ATRIP: variants seen among roughly 807,000 people sequenced by gnomAD.
The protein encoded by ATRIP is ATR interacting protein.
In ATRIP, 44 loss-of-function variants were observed where a neutral mutation model predicts 78.1. The observed-to-expected ratio is 0.56, with a 90% CI of 0.44 to 0.72. The LOEUF is 0.72. Among genes scored for constraint, ATRIP ranks in the 30% least tolerant of loss-of-function variants. ATRIP has a pLI of 0.00. For missense variants in ATRIP, 927 were observed against 980.2 expected (o/e 0.95, Z 0.72); for synonymous variants, 388 against 408.9 (o/e 0.95, Z 0.62).
chr3:48,465,026 G>C lies in ATRIP; in HGVS notation c.2251G>C (p.Val751Leu). The change falls in exon 12 of 13, where the codon GTG becomes CTG. Residue 751 changes from valine to leucine, a missense_variant. Coordinates refer to ENST00000320211, the MANE Select transcript of ATRIP (RefSeq NM_130384.3). ...CVEVLHQFDQ[V>L]MPGVSMLIRG... ...GGAGGTCCTGCATCAGTTTGACCAG[G>C]TGATGCCGGGGGTCAGCATGCTCAT... 6.2e-7 allele frequency: 1 copy of C among 1,613,848 alleles called. No homozygotes were observed. Among genetic ancestry groups the C allele is most frequent in the Non-Finnish European group, 8.5e-7 (1 of 1,179,934 alleles).
chr3:48,467,205 A>C lies in ATRIP; in HGVS notation c.*1651A>C. On this transcript the variant is annotated 3_prime_UTR_variant, in exon 13 of 13. Transcript: ENST00000320211. ...GAGCTATAGCCTAGGCAGCATCTAC[A>C]CTCGCCTGTATGGGCAGTCCCCTCC... is the stretch of plus-strand genomic sequence containing the variant. 1 of 1,613,796 alleles carries C rather than the reference A, an allele frequency of 6.2e-7. No individual in the cohort carries two copies. The highest frequency in any genetic ancestry group is 8.5e-7 in the Non-Finnish European group (1 of 1,179,928).
intron 3 of ATRIP, among the ~76,000 whole-genome samples, chr3:48,453,394 A>T (rs1022898053): frequency 2.0e-5 from 3 of 152,220 alleles, no homozygotes; most frequent in Non-Finnish European, 4.4e-5. Flanking sequence ...ATAAGTGATG[A>T]AGAGCAAGGA....
chr3:48,448,161 C>CTTTTT (rs34075060), intron 1 of ATRIP, among the ~76,000 whole-genome samples: 8 of 116,740 alleles, frequency 6.9e-5, no homozygotes, highest in South Asian at 5.5e-4. Flanking sequence ...CGTGAACACC[C>CTTTTT]TTTTTTTTTT....
rs2040288671 is a variant in ATRIP at position 48,466,260 on chromosome 3, C to T, written c.*706C>T. 1.3e-5 allele frequency: 8 copies of T among 617,116 alleles called. No individual in the cohort carries two copies. Among genetic ancestry groups the T allele is most frequent in the East Asian group, 5.6e-5 (2 of 35,942 alleles). 38.2% of individuals were successfully genotyped at this position (617,116 alleles called of 1,614,324 possible). A position where few individuals can be genotyped will look rare whatever the true frequency, so the allele number is the denominator to read the frequency against. On this transcript the variant is annotated 3_prime_UTR_variant, in exon 13 of 13. Coordinates refer to ENST00000320211, the MANE Select transcript of ATRIP (RefSeq NM_130384.3). ...CCGCCACTGCTGCCAGCGAGAGCCG[C>T]GGGAGAGTGTGCAGCCGAGTCACTA...
At chr3:48,462,331 CAGGG>C in intron 8 of ATRIP, among the ~76,000 whole-genome samples, 2 of 152,054 alleles carry the variant, frequency 1.3e-5, no homozygotes, top group South Asian at 4.2e-4. Flanking sequence ...AGCTTGTCCA[CAGGG>C]ACATTCAAAA....
Position 48,451,905 on chromosome 3 carries a change from C to T in ATRIP, c.552+6C>T. On this transcript the variant is annotated splice_donor_region_variant and intron_variant, in intron 3 of 12. Coordinates refer to ENST00000320211, the MANE Select transcript of ATRIP (RefSeq NM_130384.3). ...AAAAGGAATTCTCCAAAAAGGTGAC[C>T]CAGAGCATTTGTTTTGCACCAGCTT... 6.3e-7 allele frequency: 1 copy of T among 1,591,676 alleles called. No individual in the cohort carries two copies. Among genetic ancestry groups the T allele is most frequent in the Admixed American group, 1.7e-5 (1 of 57,292 alleles).
chr3:48,464,798 A>T lies in ATRIP; in HGVS notation c.2056-33A>T, dbSNP rs769688944. 3.1e-6 allele frequency: 5 copies of T among 1,602,098 alleles called. No homozygotes were observed. In the South Asian group the frequency reaches 5.5e-5, roughly 18 times the overall value. On this transcript the variant is annotated intron_variant, in intron 11 of 12. Coordinates refer to ENST00000320211, the MANE Select transcript of ATRIP (RefSeq NM_130384.3). ...TTGTTAGGGTGCAGGCCATGGTGGCACCAGGCCTCAGTCTGCACCCCCCCT... is the reference window on the plus strand; with the variant it reads ...TTGTTAGGGTGCAGGCCATGGTGGCTCCAGGCCTCAGTCTGCACCCCCCCT...
chr3:48,463,233 A>G (rs961692826), intron 8 of ATRIP, among the ~76,000 whole-genome samples: 1 of 151,984 alleles, frequency 6.6e-6, no homozygotes, highest in Non-Finnish European at 1.5e-5. Context: ...CCTCCTGCAC[A>G]CCCCACAGTA....
intron 1 of ATRIP, 21 bp from the exon 2 acceptor site, chr3:48,450,016 A>G (rs367760362): frequency 9.2e-5 from 147 of 1,598,874 alleles, no homozygotes; most frequent in Non-Finnish European, 1.1e-4. Flanking sequence ...CCTGAAATGT[A>G]TATGGAACTA....
chr3:48,457,509 C>A lies in ATRIP; in HGVS notation c.829+93C>A, dbSNP rs1168127320. The stretch of plus-strand genomic sequence containing the variant: ...TTTATTTTCTCCCAATTTCTGTGAT[C>A]AGCAATTCTGACAAGGCACAGAGGG... On this transcript the variant is annotated intron_variant, in intron 5 of 12. Coordinates refer to ENST00000320211, the MANE Select transcript of ATRIP (RefSeq NM_130384.3). 3.7e-6 allele frequency: 4 copies of A among 1,072,592 alleles called. No individual in the cohort carries two copies. In the African/African-American group the frequency reaches 5.0e-5, roughly 13 times the overall value. 66.4% of individuals were successfully genotyped at this position (1,072,592 alleles called of 1,614,324 possible). A position where few individuals can be genotyped will look rare whatever the true frequency, so the allele number is the denominator to read the frequency against.
At position 48,460,599 on chromosome 3, in the gene ATRIP, C is replaced by T. The variant is rs768104573; in HGVS notation, c.1545C>T (p.His515=). ...AAGEGNRSLV[H]RLSDGDMTSA... ...GGGAAGGAAACAGGAGCCTGGTTCA[C>T]AGGCTTAGTGATGGAGATATGACCT... Residue 515 remains histidine, a synonymous_variant, in exon 8 of 13, where the codon CAC becomes CAT. Coordinates refer to ENST00000320211, the MANE Select transcript of ATRIP (RefSeq NM_130384.3). 6 of 1,614,068 alleles carry T rather than the reference C, an allele frequency of 3.7e-6. No individual in the cohort carries two copies. In the African/African-American group the frequency reaches 4.0e-5, roughly 11 times the overall value.
Position 48,457,278 on chromosome 3 carries a change from G to A in ATRIP, c.691G>A (p.Val231Met). The A allele has an allele frequency of 6.3e-7, 1 of 1,585,746 alleles. No homozygotes were observed. Among genetic ancestry groups the A allele is most frequent in the Non-Finnish European group, 8.6e-7 (1 of 1,168,074 alleles). ...TTCCAGTCCTAGGAAAAACCCTTCTGTGGTTATAAAGCCAGAAGCATGTTC... is the reference window on the plus strand; with the variant it reads ...TTCCAGTCCTAGGAAAAACCCTTCTATGGTTATAAAGCCAGAAGCATGTTC... ...SHVSPRKNPS[V>M]VIKPEACSPQ... The change falls in exon 5 of 13, where the codon GTG becomes ATG. Residue 231 changes from valine (V) to methionine (M), a missense_variant. Coordinates refer to ENST00000320211, the MANE Select transcript of ATRIP (RefSeq NM_130384.3).
intron 3 of ATRIP, among the ~76,000 whole-genome samples, chr3:48,454,064 G>A (rs1396858123): frequency 6.6e-6 from 1 of 152,086 alleles, no homozygotes; most frequent in African/African-American, 2.4e-5. Flanking sequence ...CCCGGCCAGG[G>A]CTGGTATTTA....
At chr3:48,450,361 A>G in intron 2 of ATRIP, 191 bp downstream of exon 2, 1 of 1,018,122 alleles carries the variant, frequency 9.8e-7, no homozygotes, top group Non-Finnish European at 1.4e-6. Context: ...CCTAATGCCA[A>G]AGGCAAGAAG....
intron 7 of ATRIP, 32 bp from the exon 8 acceptor site, chr3:48,460,078 C>G (rs745920772): frequency 6.3e-7 from 1 of 1,585,240 alleles, no homozygotes; most frequent in South Asian, 1.2e-5. Flanking sequence ...CCATCCCACA[C>G]TTAATCTATT....
chr3:48,455,270 C>T (rs909303773), intron 4 of ATRIP, among the ~76,000 whole-genome samples: 1 of 152,182 alleles, frequency 6.6e-6, no homozygotes, highest in Non-Finnish European at 1.5e-5. Flanking sequence ...CCATGCCTTG[C>T]ATTGTCCACA....
intron 3 of ATRIP, among the ~76,000 whole-genome samples, chr3:48,452,838 A>G (rs2039866715): frequency 6.6e-6 from 1 of 151,734 alleles, no homozygotes; most frequent in Admixed American, 6.6e-5. Context: ...CTCCCATTCT[A>G]ATAAAATAGT....
rs2039709049 is a variant in ATRIP, at chr3:48,447,470, T to C, written c.247+378T>C. 1.3e-5 allele frequency: 13 copies of C among 998,818 alleles called. No homozygotes were observed. In the South Asian group the frequency reaches 5.5e-4, roughly 43 times the overall value. 61.9% of individuals were successfully genotyped at this position (998,818 alleles called of 1,614,324 possible). ...CAAGTTTGAGCGGCTTTAGATCTTATGAAGCCCACTGTCTCCCTTGGGCAG... is the reference window on the plus strand; with the variant it reads ...CAAGTTTGAGCGGCTTTAGATCTTACGAAGCCCACTGTCTCCCTTGGGCAG... On this transcript the variant is annotated intron_variant, in intron 1 of 12. Transcript: ENST00000320211.
intron 10 of ATRIP, 43 bp downstream of exon 10, chr3:48,464,175 T>C (rs1001904036): frequency 6.8e-7 from 1 of 1,477,616 alleles, no homozygotes; most frequent in South Asian, 1.1e-5. Flanking sequence ...CCCCACCCCA[T>C]CCTAAGAACC....
Sources: allele counts gnomAD v4.1 joint callset (sites outside exome capture counted in the v4.1 genomes callset), GRCh38; gene constraint gnomAD v4.1.1; transcripts MANE v1.5; gene names NCBI Gene and HGNC (gene_info 2026-07-23, HGNC 2026-07-21).